Variants in PIK3R4 observed in about 807,000 individuals in gnomAD.
PIK3R4 encodes the protein phosphoinositide 3-kinase regulatory subunit 4.
Under a neutral mutation model 136.5 loss-of-function variants are expected in PIK3R4, and 46 were observed. The observed-to-expected ratio is 0.34, with a 90% CI of 0.27 to 0.43. The LOEUF is 0.43. Among genes scored for constraint, PIK3R4 ranks in the 20% least tolerant of loss-of-function variants. The pLI is 1.00. For synonymous variants in PIK3R4, 557 were observed against 566.7 expected, an observed-to-expected ratio of 0.98 and a Z score of 0.24; for missense variants, 1,331 against 1,649.5, an observed-to-expected ratio of 0.81 and a Z score of 3.35.
At chr3:130,732,460 G>T (rs1015130109) in intron 4 of PIK3R4, among the ~76,000 whole-genome samples, 14 of 152,124 alleles carry the variant, frequency 9.2e-5, no homozygotes, top group African/African-American at 3.1e-4. Context: ...CATTTGATTT[G>T]ATTTTATCTG....
At position 130,733,849 on chromosome 3, in the gene PIK3R4, T is replaced by A; in HGVS notation, c.1149A>T (p.Thr383=). ...AGTATTTAAGGGTCTGTAGGCAGGA[T>A]GTTATAACAGATACCAAGATAACCA... ...NGLVILVSVI[T]SCLQTLKYCD... is the part of the protein sequence containing the mutation. The change falls in exon 4 of 20, where the codon ACA becomes ACT. Residue 383 remains threonine, a synonymous_variant. Coordinates refer to ENST00000356763, the MANE Select transcript of PIK3R4 (RefSeq NM_014602.3). The A allele has an allele frequency of 6.2e-7, 1 of 1,614,188 alleles. No homozygotes were observed. Among genetic ancestry groups the A allele is most frequent in the Non-Finnish European group, 8.5e-7 (1 of 1,180,026 alleles).
At chr3:130,703,079 A>AT (rs2066587179) in intron 13 of PIK3R4, among the ~76,000 whole-genome samples, 1 of 152,152 alleles carries the variant, frequency 6.6e-6, no homozygotes. Flanking sequence ...TATTCTCAAC[A>AT]TAACAGCCAG....
chr3:130,686,110 A>T, intron 15 of PIK3R4, 101 bp downstream of exon 15: 1 of 706,312 alleles, frequency 1.4e-6, no homozygotes. Context: ...AGACGGGAAA[A>T]ATTACCAATG....
intron 2 of PIK3R4, among the ~76,000 whole-genome samples, chr3:130,744,107 A>AC (rs2066839869): frequency 6.6e-6 from 1 of 152,144 alleles, no homozygotes; most frequent in Non-Finnish European, 1.5e-5. Context: ...CTATAGCAGC[A>AC]CCCTATGCTT....
intron 4 of PIK3R4, among the ~76,000 whole-genome samples, chr3:130,730,904 A>G (rs1198101554): frequency 1.3e-5 from 2 of 152,188 alleles, no homozygotes; most frequent in African/African-American, 4.8e-5. Context: ...GCAATCTGAG[A>G]CTGTTTCTTC....
intron 2 of PIK3R4, among the ~76,000 whole-genome samples, chr3:130,741,962 C>T (rs1038322041): frequency 2.0e-5 from 3 of 152,162 alleles, no homozygotes; most frequent in Non-Finnish European, 4.4e-5. Context: ...AGTACAACAA[C>T]GTACAACAAA....
At chr3:130,682,573 T>C (rs1169251987) in intron 16 of PIK3R4, among the ~76,000 whole-genome samples, 1 of 152,098 alleles carries the variant, frequency 6.6e-6, no homozygotes, top group Non-Finnish European at 1.5e-5. Flanking sequence ...GTCATTCATA[T>C]CAGGCTGGTT....
intron 13 of PIK3R4, among the ~76,000 whole-genome samples, chr3:130,698,100 T>C (rs980733714): frequency 6.6e-6 from 1 of 152,320 alleles, no homozygotes; most frequent in East Asian, 1.9e-4. Context: ...ATCCCTTGTA[T>C]GTGATGAGTC....
At chr3:130,715,248 C>T (rs1187076655) in intron 9 of PIK3R4, among the ~76,000 whole-genome samples, 1 of 151,746 alleles carries the variant, frequency 6.6e-6, no homozygotes, top group Non-Finnish European at 1.5e-5. Context: ...CTCAGCCTCC[C>T]GAGTAGCTGG....
chr3:130,712,948 T>C (rs1260637684), intron 9 of PIK3R4, among the ~76,000 whole-genome samples: 1 of 152,216 alleles, frequency 6.6e-6, no homozygotes. Flanking sequence ...GTGTAGGCTT[T>C]GGAATCAGAT....
chr3:130,721,324 G>A (rs1367488496), intron 7 of PIK3R4, among the ~76,000 whole-genome samples: 4 of 147,400 alleles, frequency 2.7e-5, no homozygotes, highest in South Asian at 2.1e-4. Flanking sequence ...GTGAAAGAGC[G>A]AGACTCCGTC....
Sources: allele counts gnomAD v4.1 joint callset (sites outside exome capture counted in the v4.1 genomes callset), GRCh38; gene constraint gnomAD v4.1.1; transcripts MANE v1.5; gene names NCBI Gene and HGNC (gene_info 2026-07-23, HGNC 2026-07-21).